GCC2: variants seen among roughly 807,000 people sequenced by gnomAD.
The protein encoded by GCC2 is GRIP and coiled-coil domain-containing protein 2.
GCC2 carries 120 observed loss-of-function variants against 210.6 expected under a neutral mutation model. The observed-to-expected ratio is 0.57, with a 90% confidence interval of 0.49 to 0.66. The LOEUF (loss-of-function observed/expected upper bound fraction) is 0.66, where lower values mean the gene tolerates loss of function less well. Among genes scored for constraint, GCC2 ranks in the 30% least tolerant of loss-of-function variants. The pLI, the probability that GCC2 is intolerant of heterozygous loss-of-function variation, is 0.00. For synonymous variants in GCC2, 703 were observed against 652.7 expected (o/e 1.08, Z -1.17); for missense variants, 1,868 against 1,871.9 (o/e 1.00, Z 0.04).
intron 4 of GCC2, among the ~76,000 whole-genome samples, chr2:108,456,674 T>C (rs1418331531): frequency 6.6e-6 from 1 of 152,074 alleles, no homozygotes; most frequent in Non-Finnish European, 1.5e-5. Context: ...TCTTTTGCTA[T>C]GCAGAAGCTT....
chr2:108,470,609 A>G lies in GCC2; in HGVS notation c.1280A>G (p.Gln427Arg), dbSNP rs1466384395. 6.2e-7 allele frequency: 1 copy of G among 1,611,914 alleles called. No homozygotes were observed. The highest frequency in any genetic ancestry group is 1.7e-5 in the Admixed American group (1 of 59,864). ...YTVEQHNREV[Q>R]SLKEQHQKEI... is the part of the protein sequence containing the mutation. The stretch of plus-strand genomic sequence containing the variant: ...GTAGAACAGCATAACAGAGAAGTAC[A>G]GAGTCTTAAGGAACAACATCAAAAA... Residue 427 changes from glutamine to arginine, a missense_variant, in exon 6 of 23, where the codon CAG becomes CGG. By Grantham distance (43) the Gln-to-Arg change is conservative (BLOSUM62 1). Coordinates refer to ENST00000309863, the MANE Select transcript of GCC2 (RefSeq NM_181453.4).
chr2:108,472,992 G>C, intron 7 of GCC2, 93 bp downstream of exon 7: 1 of 722,476 alleles, frequency 1.4e-6, no homozygotes, highest in East Asian at 2.9e-5. Context: ...CAAATAATGA[G>C]TTGTTAAAAA....
chr2:108,470,292 A>G lies in GCC2; in HGVS notation c.963A>G (p.Gln321=). The change falls in exon 6 of 23, where the codon CAA becomes CAG. Residue 321 remains glutamine, a synonymous_variant. Coordinates refer to ENST00000309863, the MANE Select transcript of GCC2 (RefSeq NM_181453.4). The part of the protein sequence containing the change: ...QDNQICSILL[Q]ENTFVEQVVN... ...ATCAGATATGTTCTATTCTCTTGCA[A>G]GAAAATACATTTGTAGAACAAGTAG... 2 of 1,613,258 alleles carry G rather than the reference A, an allele frequency of 1.2e-6. No homozygotes were observed. Among genetic ancestry groups the G allele is most frequent in the South Asian group, 1.1e-5 (1 of 90,776 alleles).
chr2:108,452,209 T>C (rs1192287546), intron 3 of GCC2, among the ~76,000 whole-genome samples, 190 bp from the exon 4 acceptor site: 1 of 152,130 alleles, frequency 6.6e-6, no homozygotes, highest in African/African-American at 2.4e-5. Context: ...GAGTACAGGT[T>C]GGGAGGAAAC....
chr2:108,468,102 C>A (rs1258538748), intron 4 of GCC2, among the ~76,000 whole-genome samples: 1 of 151,654 alleles, frequency 6.6e-6, no homozygotes, highest in Non-Finnish European at 1.5e-5. Flanking sequence ...TGCTCTGTCA[C>A]CCAGGCTGGA....
At chr2:108,460,524 C>T (rs62150806) in intron 4 of GCC2, among the ~76,000 whole-genome samples, 55,015 of 151,774 alleles carry the variant, frequency 0.36, 11,721 homozygotes, top group East Asian at 0.89. Flanking sequence ...GTTGCTTTAC[C>T]ACTGAGTTTT....
At chr2:108,468,090 C>T (rs902035729) in intron 4 of GCC2, among the ~76,000 whole-genome samples, 4 of 148,070 alleles carry the variant, frequency 2.7e-5, no homozygotes, top group African/African-American at 5.0e-5. Context: ...GACACATAGT[C>T]TTGCTCTGTC....
intron 21 of GCC2, among the ~76,000 whole-genome samples, chr2:108,498,403 C>A (rs1243529851): frequency 6.6e-6 from 1 of 151,748 alleles, no homozygotes; most frequent in African/African-American, 2.4e-5. Flanking sequence ...ACCATGTTGG[C>A]CAGGATGGTC....
chr2:108,459,914 G>A (rs900928056), intron 4 of GCC2, among the ~76,000 whole-genome samples: 5 of 151,778 alleles, frequency 3.3e-5, no homozygotes, highest in Non-Finnish European at 5.9e-5. Flanking sequence ...GTGCAGTGGC[G>A]CAATCTTGGC....
intron 20 of GCC2, chr2:108,496,258 G>T (rs6761584): frequency 6.6e-6 from 1 of 151,760 alleles, no homozygotes; most frequent in Non-Finnish European, 1.5e-5. Flanking sequence ...CTAAATTTTT[G>T]TAGTGATGTT....
Position 108,466,292 on chromosome 2 carries a change from C to T in GCC2, c.217-2688C>T, listed in dbSNP as rs192375628. 1.9e-4 allele frequency among the ~76,000 whole-genome samples: 29 copies of T among 152,260 alleles called. No homozygotes were observed. In the East Asian group the frequency reaches 5.0e-3, roughly 26 times the overall value. On this transcript the variant is annotated intron_variant, in intron 4 of 22. Coordinates refer to ENST00000309863, the MANE Select transcript of GCC2 (RefSeq NM_181453.4). Reference sequence around the variant, plus strand: ...TCCTGACCTCATGACCCGCCCACCTCAGCCTCCCAAAGTGCTGGGATTACA... The same window carrying T: ...TCCTGACCTCATGACCCGCCCACCTTAGCCTCCCAAAGTGCTGGGATTACA...
chr2:108,505,090 G>A (rs1683120165), intron 22 of GCC2, among the ~76,000 whole-genome samples: 1 of 152,218 alleles, frequency 6.6e-6, no homozygotes, highest in Non-Finnish European at 1.5e-5. Context: ...TTTACCTAAG[G>A]AGATGAATAG....
rs772025871 is a variant in GCC2, at chr2:108,495,476, A to G, written c.4633A>G (p.Thr1545Ala). ...SLEQLLNSPE[T>A]KLEPPLWHAE... Reference sequence around the variant, plus strand: ...AGAGCAGCTGCTTAACTCTCCCGAAACTAAACTTGGTATGTTACTCTGTCT... The same window carrying G: ...AGAGCAGCTGCTTAACTCTCCCGAAGCTAAACTTGGTATGTTACTCTGTCT... Residue 1545 changes from threonine (T) to alanine (A), a missense_variant, in exon 20 of 23, where the codon ACT (threonine) becomes GCT (alanine). Around this residue, in one of 3 missense-constraint regions of GCC2, gnomAD observed 1,847 missense variants for 1,765.2 expected, o/e 1.05. Coordinates refer to ENST00000309863, the MANE Select transcript of GCC2 (RefSeq NM_181453.4). 1 of 1,589,040 alleles carries G rather than the reference A, an allele frequency of 6.3e-7. No homozygotes were observed. The highest frequency in any genetic ancestry group is 8.5e-7 in the Non-Finnish European group (1 of 1,175,098).
chr2:108,484,500 C>G (rs1682029466), intron 13 of GCC2, 189 bp downstream of exon 13: 1 of 384,280 alleles, frequency 2.6e-6, no homozygotes, highest in Non-Finnish European at 4.9e-6. Flanking sequence ...TAGTCCATGC[C>G]TATGTCCTGA....
intron 3 of GCC2, among the ~76,000 whole-genome samples, chr2:108,451,729 T>G (rs1208744179): frequency 1.3e-5 from 2 of 152,164 alleles, no homozygotes; most frequent in South Asian, 4.1e-4. Context: ...CTTGGGAGTT[T>G]GGATCACCTT....
chr2:108,486,670 C>A, intron 16 of GCC2, 22 bp downstream of exon 16: 1 of 1,595,234 alleles, frequency 6.3e-7, no homozygotes. Flanking sequence ...AGGGCAGCCA[C>A]AGCAAGCCAC....
Position 108,469,751 on chromosome 2 carries a change from T to C in GCC2, c.422T>C (p.Val141Ala). Reference protein sequence around the residue: ...IENLKNELMAVRSKYSEDKAN... With the variant: ...IENLKNELMAARSKYSEDKAN... ...AATTTGAAAAATGAGTTGATGGCAG[T>C]ACGTTCCAAATACAGTGAAGACAAA... Residue 141 changes from valine (V) to alanine (A), a missense_variant, in exon 6 of 23, where the codon GTA (valine) becomes GCA (alanine). Val to Ala is a moderately conservative substitution (Grantham distance 64). Coordinates refer to ENST00000309863, the MANE Select transcript of GCC2 (RefSeq NM_181453.4). 1 of 1,613,680 alleles carries C rather than the reference T, an allele frequency of 6.2e-7. No individual in the cohort carries two copies. Among genetic ancestry groups the C allele is most frequent in the Non-Finnish European group, 8.5e-7 (1 of 1,179,648 alleles).
At position 108,472,064 on chromosome 2, in the gene GCC2, T is replaced by C. The variant is rs147113988; in HGVS notation, c.2735T>C (p.Leu912Pro). 311 of 1,573,010 alleles carry C rather than the reference T, an allele frequency of 2.0e-4. No individual in the cohort carries two copies. The highest frequency in any genetic ancestry group is 2.5e-4 in the Non-Finnish European group (296 of 1,168,268). Residue 912 changes from leucine to proline, a missense_variant, in exon 6 of 23, where the codon CTA (leucine) becomes CCA (proline). Around this residue, in one of 3 missense-constraint regions of GCC2, gnomAD observed 1,847 missense variants for 1,765.2 expected, o/e 1.05. Transcript: ENST00000309863. ...AAGGAACATGAAAACCTAAAGCCAC[T>C]ACTAGAACAAAAAGAATTACGAGAT... ...FIKEHENLKPLLEQKELRDRR... is the reference protein window; with the variant it reads ...FIKEHENLKPPLEQKELRDRR...
At chr2:108,497,589 T>A (rs914685981) in intron 21 of GCC2, among the ~76,000 whole-genome samples, 2 of 152,326 alleles carry the variant, frequency 1.3e-5, no homozygotes, top group African/African-American at 4.8e-5. Context: ...CCAGTGAATT[T>A]AAATTATTCA....
Sources: gnomAD v4.1 joint callset for allele counts (sites outside exome capture counted in the v4.1 genomes callset) on GRCh38, gnomAD v4.1.1 for gene constraint, gnomAD v4.1.1 regional missense constraint, MANE v1.5 for transcripts, NCBI Gene and HGNC (gene_info 2026-07-23, HGNC 2026-07-21) for gene names.